Variants in KCNN2 observed in about 807,000 individuals in gnomAD.
KCNN2 encodes the protein small conductance calcium-activated potassium channel protein 2.
Under a neutral mutation model 55.5 loss-of-function variants are expected in KCNN2, and 24 were observed. The ratio of observed to expected loss-of-function variants is 0.43; its 90% CI spans 0.31 to 0.61. The LOEUF (loss-of-function observed/expected upper bound fraction) is 0.61, where lower values mean the gene tolerates loss of function less well. KCNN2 is among the 20% of genes least tolerant of loss of function. The pLI, the probability that KCNN2 is intolerant of heterozygous loss-of-function variation, is 0.08. For missense variants in KCNN2, 754 were observed against 853.6 expected, an observed-to-expected ratio of 0.88 and a Z score of 1.45; for synonymous variants, 431 against 336.1, an observed-to-expected ratio of 1.28 and a Z score of -3.09.
At chr5:114,327,503 TA>T (rs558677360) in intron 2 of KCNN2, among the ~76,000 whole-genome samples, 122 of 152,282 alleles carry the variant, frequency 8.0e-4, no homozygotes, top group South Asian at 3.1e-3. Context: ...TCTGAAAAGA[TA>T]AAAAACGCTG....
intron 2 of KCNN2, among the ~76,000 whole-genome samples, chr5:114,259,162 C>A (rs1755047511): frequency 6.6e-6 from 1 of 152,200 alleles, no homozygotes; most frequent in Non-Finnish European, 1.5e-5. Context: ...AGCCCATAGG[C>A]AGGGAGTTTT....
chr5:114,085,748 A>G (rs922310715), intron 1 of KCNN2, among the ~76,000 whole-genome samples: 1 of 152,012 alleles, frequency 6.6e-6, no homozygotes, highest in Non-Finnish European at 1.5e-5. Context: ...TCAATTGGGT[A>G]ATTTTGGTTT....
intron 2 of KCNN2, among the ~76,000 whole-genome samples, chr5:114,396,691 G>A (rs1758631246): frequency 6.6e-6 from 1 of 151,994 alleles, no homozygotes; most frequent in Non-Finnish European, 1.5e-5. Context: ...TGGGACTATA[G>A]GCACGCATCA....
At chr5:114,155,353 G>C (rs1752609025) in intron 1 of KCNN2, among the ~76,000 whole-genome samples, 1 of 152,174 alleles carries the variant, frequency 6.6e-6, no homozygotes, top group Admixed American at 6.6e-5. Context: ...GAACATACAT[G>C]TGCATCTGTC....
intron 1 of KCNN2, among the ~76,000 whole-genome samples, chr5:114,066,214 C>G (rs1330394566): frequency 1.3e-5 from 2 of 152,224 alleles, no homozygotes; most frequent in Non-Finnish European, 2.9e-5. Flanking sequence ...AAAGAACTTT[C>G]TCTCTTTCTC....
At chr5:114,176,781 A>G (rs1034012183) in intron 1 of KCNN2, among the ~76,000 whole-genome samples, 4 of 152,168 alleles carry the variant, frequency 2.6e-5, no homozygotes, top group Non-Finnish European at 4.4e-5. Context: ...TAGATACAGA[A>G]CTGGTTAATG....
rs145713854 is a variant in KCNN2 at position 114,164,217 on chromosome 5, C to T, written c.-270-57263C>T. ...AACAAATCCATAGTACAAGAATTAC[C>T]ATTAGTCAGGAAATCTATTTTTAAT... On this transcript the variant is annotated intron_variant, in intron 1 of 10. Transcript: ENST00000512097. 5.0e-3 allele frequency among the ~76,000 whole-genome samples: 756 copies of T among 152,238 alleles called. 5 individuals are homozygous for T. The highest frequency in any genetic ancestry group is 0.02 in the South Asian group (96 of 4,822).
At chr5:114,199,063 T>C (rs1055873627) in intron 1 of KCNN2, among the ~76,000 whole-genome samples, 10 of 152,088 alleles carry the variant, frequency 6.6e-5, no homozygotes, top group African/African-American at 1.9e-4. Context: ...TGCTGTCTAT[T>C]TCTTTAGGTC....
chr5:114,240,894 T>A (rs1227490705), intron 2 of KCNN2, among the ~76,000 whole-genome samples: 2 of 151,514 alleles, frequency 1.3e-5, no homozygotes, highest in African/African-American at 2.5e-5. Flanking sequence ...TAAAAAATTA[T>A]CTGCTAATAA....
intron 2 of KCNN2, among the ~76,000 whole-genome samples, chr5:114,228,014 AT>A: frequency 6.6e-6 from 1 of 151,372 alleles, no homozygotes; most frequent in East Asian, 1.9e-4. Context: ...GATGATGATG[AT>A]GATGATGATG....
chr5:114,256,295 T>C (rs1008764254), intron 2 of KCNN2, among the ~76,000 whole-genome samples: 3 of 152,188 alleles, frequency 2.0e-5, no homozygotes, highest in African/African-American at 7.2e-5. Flanking sequence ...GACACTTAGA[T>C]TGATCCCATA....
intron 1 of KCNN2, among the ~76,000 whole-genome samples, chr5:114,097,190 A>G (rs1033130601): frequency 3.3e-5 from 5 of 152,198 alleles, no homozygotes; most frequent in Non-Finnish European, 5.9e-5. Flanking sequence ...TTTTTCTTGT[A>G]GGTGACATTA....
intron 1 of KCNN2, among the ~76,000 whole-genome samples, chr5:114,210,740 T>G (rs1753865528): frequency 2.0e-5 from 3 of 152,098 alleles, no homozygotes; most frequent in Admixed American, 2.0e-4. Context: ...CACAAAGAGG[T>G]GAATAGTTTA....
chr5:114,069,203 G>A (rs1750514741), intron 1 of KCNN2, among the ~76,000 whole-genome samples: 1 of 152,156 alleles, frequency 6.6e-6, no homozygotes, highest in Admixed American at 6.5e-5. Context: ...AGAAGACTGA[G>A]CAGCCAGCCC....
At chr5:114,481,647 T>A (rs1023852713) in intron 5 of KCNN2, among the ~76,000 whole-genome samples, 1 of 152,074 alleles carries the variant, frequency 6.6e-6, no homozygotes, top group African/African-American at 2.4e-5. Context: ...TCAAACTATA[T>A]TATAGGGCTA....
At chr5:114,290,852 T>C (rs963343001) in intron 2 of KCNN2, among the ~76,000 whole-genome samples, 1 of 152,168 alleles carries the variant, frequency 6.6e-6, no homozygotes, top group Non-Finnish European at 1.5e-5. Flanking sequence ...GCATATTGAT[T>C]GTTTCAGAGT....
rs544280316 is a variant in KCNN2, at chr5:114,396,008, A to G, written c.1219-8430A>G. 1.6e-4 allele frequency among the ~76,000 whole-genome samples: 24 copies of G among 152,160 alleles called. 1 individual carries two copies. The highest frequency in any genetic ancestry group is 1.2e-3 in the South Asian group (6 of 4,832). On this transcript the variant is annotated intron_variant, in intron 2 of 7. Coordinates refer to ENST00000673685, the MANE Select transcript of KCNN2 (RefSeq NM_021614.4). The stretch of plus-strand genomic sequence containing the variant: ...CTTCTGAGTGACCTGCACTTGGCAT[A>G]TATACTCAGATGTAAATGGCCAAAA...
At chr5:114,356,417 C>A (rs1757295153) in intron 2 of KCNN2, among the ~76,000 whole-genome samples, 1 of 152,040 alleles carries the variant, frequency 6.6e-6, no homozygotes, top group Non-Finnish European at 1.5e-5. Context: ...TTCATGAAAT[C>A]CAGATTATTT....
intron 1 of KCNN2, among the ~76,000 whole-genome samples, chr5:114,167,505 G>T (rs1218804938): frequency 1.3e-5 from 2 of 151,952 alleles, no homozygotes; most frequent in African/African-American, 4.8e-5. Flanking sequence ...CACTCATTCT[G>T]TTCTTCTTTT....
Sources: allele counts gnomAD v4.1 joint callset (sites outside exome capture counted in the v4.1 genomes callset), GRCh38; gene constraint gnomAD v4.1.1; transcripts MANE v1.5; gene names NCBI Gene and HGNC (gene_info 2026-07-23, HGNC 2026-07-21).